MSTN: variants seen among roughly 807,000 people sequenced by gnomAD.
MSTN encodes the protein myostatin.
MSTN carries 12 observed loss-of-function variants against 32.3 expected under a neutral mutation model. That is an observed-to-expected ratio of 0.37 (90% CI 0.24 to 0.60). The LOEUF (loss-of-function observed/expected upper bound fraction) is 0.60, where lower values mean the gene tolerates loss of function less well. Ranked by LOEUF, MSTN falls within the 20% of genes least tolerant of loss-of-function variation. MSTN has a pLI of 0.67. For synonymous variants in MSTN, 168 were observed against 155.1 expected, an observed-to-expected ratio of 1.08 and a Z score of -0.62; for missense variants, 403 against 450.3, an observed-to-expected ratio of 0.89 and a Z score of 0.95.
chr2:190,062,140 A>G (rs1685612185), intron 1 of MSTN, 84 bp downstream of exon 1: 1 of 1,493,464 alleles, frequency 6.7e-7, no homozygotes, highest in Admixed American at 1.7e-5. Flanking sequence ...CTTGTTTAAA[A>G]GAGCCTGAAA....
Position 190,062,398 on chromosome 2 carries a change from C to T in MSTN, c.199G>A (p.Glu67Lys), listed in dbSNP as rs762279211. The T allele has an allele frequency of 6.2e-6, 10 of 1,613,324 alleles. No homozygotes were observed. In the South Asian group the frequency reaches 8.8e-5, roughly 14 times the overall value. ...TCTTTGCTGATGTTAGGAGCTGTTT[C>T]CAGACGAAGTTTACTGAGGATTTGT... ...KIQILSKLRL[E>K]TAPNISKDVI... The change falls in exon 1 of 3, where the codon GAA (glutamate) becomes AAA (lysine). Residue 67 changes from glutamate to lysine, a missense_variant. By Grantham distance (56) the Glu-to-Lys change is moderately conservative (BLOSUM62 1). Coordinates refer to ENST00000260950, the MANE Select transcript of MSTN (RefSeq NM_005259.3).
chr2:190,062,519 G>C lies in MSTN; in HGVS notation c.78C>G (p.Asn26Lys). 6.2e-7 allele frequency: 1 copy of C among 1,613,304 alleles called. No individual in the cohort carries two copies. Among genetic ancestry groups the C allele is most frequent in the South Asian group, 1.1e-5 (1 of 91,030 alleles). ...IVAGPVDLNE[N>K]SEQKENVEKE... The stretch of plus-strand genomic sequence containing the variant: ...TTTCCACATTTTCTTTTTGCTCACT[G>C]TTCTCATTTAGATCCACTGGACCAG... Residue 26 changes from asparagine (N) to lysine (K), a missense_variant, in exon 1 of 3, where the codon AAC becomes AAG. By Grantham distance (94) the Asn-to-Lys change is moderately conservative. Coordinates refer to ENST00000260950, the MANE Select transcript of MSTN (RefSeq NM_005259.3).
chr2:190,060,147 G>C lies in MSTN; in HGVS notation c.662C>G (p.Ser221Cys). The C allele has an allele frequency of 6.2e-7, 1 of 1,612,904 alleles. No homozygotes were observed. The highest frequency in any genetic ancestry group is 8.5e-7 in the Non-Finnish European group (1 of 1,179,178). The change falls in exon 2 of 3, where the codon TCC (serine) becomes TGC (cysteine). Residue 221 changes from serine to cysteine, a missense_variant. Coordinates refer to ENST00000260950, the MANE Select transcript of MSTN (RefSeq NM_005259.3). ...VLQNWLKQPESNLGIEIKALD... is the reference protein window; with the variant it reads ...VLQNWLKQPECNLGIEIKALD... ...AGCTTTTATTTCAATGCCTAAGTTGGATTCAGGTTGTTTGAGCCAATTTTG... is the reference window on the plus strand; with the variant it reads ...AGCTTTTATTTCAATGCCTAAGTTGCATTCAGGTTGTTTGAGCCAATTTTG...
At chr2:190,061,707 A>C (rs1202714022) in intron 1 of MSTN, among the ~76,000 whole-genome samples, 2 of 152,092 alleles carry the variant, frequency 1.3e-5, no homozygotes, top group Non-Finnish European at 2.9e-5. Context: ...AGCTCTCAAA[A>C]TTAAATTTTT....
intron 1 of MSTN, 151 bp downstream of exon 1, chr2:190,062,073 C>A (rs956322966): frequency 6.1e-6 from 5 of 816,068 alleles, no homozygotes; most frequent in African/African-American, 1.7e-5. Flanking sequence ...AATATATTCT[C>A]ATGCAATCTT....
intron 2 of MSTN, among the ~76,000 whole-genome samples, chr2:190,058,317 A>G (rs1442084044): frequency 6.6e-6 from 1 of 152,044 alleles, no homozygotes; most frequent in East Asian, 1.9e-4. Flanking sequence ...ACAACATATT[A>G]ACCACTGGAC....
In MSTN at chr2:190,057,777, A is replaced by C; in HGVS notation, c.748-139T>G. The C allele has an allele frequency of 1.2e-5, 10 of 862,246 alleles. No individual in the cohort carries two copies. The South Asian group carries it at 1.4e-4, about 12-fold the overall frequency. The allele number at this position is 862,246 out of a possible 1,614,324, so 53.4% of individuals were successfully genotyped here. ...TTTATTTTTAAAAGGCACAGCATTA[A>C]GGAATGTTAATTTACACTAGGCTTG... On this transcript the variant is annotated intron_variant, in intron 2 of 2. Transcript: ENST00000260950.
chr2:190,058,943 T>C (rs1263429181), intron 2 of MSTN, among the ~76,000 whole-genome samples: 1 of 151,848 alleles, frequency 6.6e-6, no homozygotes, highest in African/African-American at 2.4e-5. Context: ...AATTCATCTA[T>C]GTAGCCAGAA....
intron 1 of MSTN, among the ~76,000 whole-genome samples, chr2:190,061,797 G>C (rs1182419678): frequency 6.6e-6 from 1 of 151,126 alleles, no homozygotes; most frequent in Admixed American, 6.6e-5. Flanking sequence ...GCTCAAGTAA[G>C]CTTAAACATC....
At position 190,062,314 on chromosome 2, in the gene MSTN, C is replaced by G. The variant is rs1685618896; in HGVS notation, c.283G>C (p.Asp95His). 3.1e-6 allele frequency: 5 copies of G among 1,613,370 alleles called. No homozygotes were observed. The East Asian group carries it at 1.1e-4, about 36-fold the overall frequency. Residue 95 changes from aspartate (D) to histidine (H), a missense_variant, in exon 1 of 3, where the codon GAT becomes CAT. Physicochemically the swap from Asp to His is moderately conservative, Grantham distance 81. Transcript: ENST00000260950. ...TCGCTGCTGTCATCCCTCTGGACAT[C>G]ATACTGATCAATCAGTTCCCGGAGT... is the stretch of plus-strand genomic sequence containing the variant. ...PPLRELIDQY[D>H]VQRDDSSDGS...
At chr2:190,059,385 A>G (rs574510248) in intron 2 of MSTN, among the ~76,000 whole-genome samples, 1 of 152,062 alleles carries the variant, frequency 6.6e-6, no homozygotes, top group East Asian at 1.9e-4. Flanking sequence ...AAATTTTTGC[A>G]CAAGAATGCT....
chr2:190,062,306 C>G lies in MSTN; in HGVS notation c.291G>C (p.Gln97His). 7.4e-6 allele frequency: 12 copies of G among 1,613,342 alleles called. No individual in the cohort carries two copies. Among genetic ancestry groups the G allele is most frequent in the Non-Finnish European group, 1.0e-5 (12 of 1,179,494 alleles). Residue 97 changes from glutamine to histidine, a missense_variant, in exon 1 of 3, where the codon CAG becomes CAC. Physicochemically the swap from Gln to His is conservative, Grantham distance 24. Transcript: ENST00000260950. ...LRELIDQYDV[Q>H]RDDSSDGSLE... ...AAGAGCCATCGCTGCTGTCATCCCT[C>G]TGGACATCATACTGATCAATCAGTT...
intron 2 of MSTN, among the ~76,000 whole-genome samples, chr2:190,058,876 C>T (rs1575556520): frequency 6.6e-6 from 1 of 151,994 alleles, no homozygotes; most frequent in African/African-American, 2.4e-5. Flanking sequence ...ATATTTGGTA[C>T]AATATACACT....
At position 190,056,019 on chromosome 2, in the gene MSTN, A is replaced by G. The variant is rs544658563; in HGVS notation, c.*1239T>C. On this transcript the variant is annotated 3_prime_UTR_variant, in exon 3 of 3. Coordinates refer to ENST00000260950, the MANE Select transcript of MSTN (RefSeq NM_005259.3). The stretch of plus-strand genomic sequence containing the variant: ...TAAACACAATGACAGTAAACCATTG[A>G]AATTTCAAATTCACTTTATACAGCC... 4.6e-5 allele frequency: 7 copies of G among 152,696 alleles called. No homozygotes were observed. Among genetic ancestry groups the G allele is most frequent in the Admixed American group, 1.3e-4 (2 of 15,288 alleles). The allele number at this position is 152,696 out of a possible 1,614,324, so 9.5% of individuals were successfully genotyped here.
At position 190,060,138 on chromosome 2, in the gene MSTN, C is replaced by T; in HGVS notation, c.671G>A (p.Gly224Asp). ...NWLKQPESNL[G>D]IEIKALDENG... ...CTCATCTAAAGCTTTTATTTCAATG[C>T]CTAAGTTGGATTCAGGTTGTTTGAG... The change falls in exon 2 of 3, where the codon GGC (glycine) becomes GAC (aspartate). Residue 224 changes from glycine to aspartate, a missense_variant. Physicochemically the swap from Gly to Asp is moderately conservative, Grantham distance 94. Transcript: ENST00000260950. The T allele has an allele frequency of 6.2e-7, 1 of 1,612,868 alleles. No individual in the cohort carries two copies. Among genetic ancestry groups the T allele is most frequent in the Non-Finnish European group, 8.5e-7 (1 of 1,179,160 alleles).
rs1166277136 is a variant in MSTN at position 190,060,212 on chromosome 2, G to T, written c.597C>A (p.Gly199=). ...IRSLKLDMNP[G]TGIWQSIDVK... ...CATCAATGCTCTGCCAAATACCAGT[G>T]CCTGGGTTCATGTCAAGTTTCAGAG... The change falls in exon 2 of 3, where the codon GGC becomes GGA. Residue 199 remains glycine, a synonymous_variant. Coordinates refer to ENST00000260950, the MANE Select transcript of MSTN (RefSeq NM_005259.3). 6.2e-7 allele frequency: 1 copy of T among 1,613,068 alleles called. No homozygotes were observed. Among genetic ancestry groups the T allele is most frequent in the Middle Eastern group, 1.7e-4 (1 of 6,058 alleles).
intron 1 of MSTN, among the ~76,000 whole-genome samples, 198 bp from the exon 2 acceptor site, chr2:190,060,633 G>T (rs553428678): frequency 5.7e-4 from 86 of 152,088 alleles, no homozygotes; most frequent in African/African-American, 2.0e-3. Context: ...GAATTTTTCA[G>T]ACGTATGTAT....
At chr2:190,060,719 G>C (rs1685570887) in intron 1 of MSTN, among the ~76,000 whole-genome samples, 1 of 151,948 alleles carries the variant, frequency 6.6e-6, no homozygotes, top group Non-Finnish European at 1.5e-5. Flanking sequence ...AGTAATGAAC[G>C]CTGAATGAAA....
chr2:190,060,426 A>G lies in MSTN; in HGVS notation c.383T>C (p.Leu128Pro). Residue 128 changes from leucine to proline, a missense_variant, in exon 2 of 3, where the codon CTA (leucine) becomes CCA (proline). Physicochemically the swap from Leu to Pro is moderately conservative, Grantham distance 98 (BLOSUM62 -3). Transcript: ENST00000260950. ...IITMPTESDF[L>P]MQVDGKPKCC... Reference sequence around the variant, plus strand: ...TTTGGGTTTTCCATCCACTTGCATTAGAAAATCAGCTATAAATGAATAAGA... The same window carrying G: ...TTTGGGTTTTCCATCCACTTGCATTGGAAAATCAGCTATAAATGAATAAGA... 6.2e-7 allele frequency: 1 copy of G among 1,609,784 alleles called. No individual in the cohort carries two copies. The highest frequency in any genetic ancestry group is 1.3e-5 in the African/African-American group (1 of 74,738).
Sources: allele counts gnomAD v4.1 joint callset (sites outside exome capture counted in the v4.1 genomes callset), GRCh38; gene constraint gnomAD v4.1.1; transcripts MANE v1.5; gene names NCBI Gene and HGNC (gene_info 2026-07-23, HGNC 2026-07-21).